The following CTNND2 variants were observed in gnomAD, a reference collection of about 807,000 sequenced individuals.
CTNND2 encodes catenin delta-2.
In CTNND2, 22 loss-of-function variants were observed where a neutral mutation model predicts 144.4. The observed-to-expected ratio is 0.15, with a 90% CI of 0.11 to 0.22. CTNND2 has a LOEUF of 0.22. CTNND2 is among the 10% of genes least tolerant of loss of function. The pLI, the probability that CTNND2 is intolerant of heterozygous loss-of-function variation, is 1.00. For synonymous variants in CTNND2, 751 were observed against 695.6 expected, an observed-to-expected ratio of 1.08 and a Z score of -1.25; for missense variants, 1,353 against 1,618.8, an observed-to-expected ratio of 0.84 and a Z score of 2.82.
intron 2 of CTNND2, among the ~76,000 whole-genome samples, chr5:11,707,493 A>G (rs1304759493): frequency 3.3e-5 from 5 of 152,228 alleles, no homozygotes; most frequent in African/African-American, 1.2e-4. Context: ...ACCCTAAATG[A>G]AAAGGAGTCT....
intron 9 of CTNND2, among the ~76,000 whole-genome samples, chr5:11,339,948 A>G (rs1007591893): frequency 6.6e-6 from 1 of 152,252 alleles, no homozygotes; most frequent in African/African-American, 2.4e-5. Flanking sequence ...GTTATAATTT[A>G]TAAGTTAAAC....
At chr5:11,442,848 T>G (rs1348510481) in intron 3 of CTNND2, among the ~76,000 whole-genome samples, 1 of 145,450 alleles carries the variant, frequency 6.9e-6, no homozygotes, top group Non-Finnish European at 1.5e-5. Context: ...TTTTATATAA[T>G]ATAATGATTA....
intron 2 of CTNND2, among the ~76,000 whole-genome samples, chr5:11,696,796 C>T (rs1785159793): frequency 6.6e-6 from 1 of 152,190 alleles, no homozygotes; most frequent in Non-Finnish European, 1.5e-5. Flanking sequence ...CAGTAATTAG[C>T]AACTGACATG....
chr5:11,042,679 G>A (rs980324667), intron 16 of CTNND2, among the ~76,000 whole-genome samples: 1 of 152,146 alleles, frequency 6.6e-6, no homozygotes, highest in African/African-American at 2.4e-5. Flanking sequence ...TTTGGATACC[G>A]GGAAGTCTTT....
At chr5:11,587,571 CACTT>C (rs1778956771) in intron 2 of CTNND2, among the ~76,000 whole-genome samples, 1 of 152,048 alleles carries the variant, frequency 6.6e-6, no homozygotes, top group Non-Finnish European at 1.5e-5. Flanking sequence ...TCATTCTTCA[CACTT>C]AGTTTATAAC....
chr5:11,221,552 G>A (rs17792388), intron 10 of CTNND2, among the ~76,000 whole-genome samples: 9,223 of 152,280 alleles, frequency 0.061, 395 homozygotes, highest in Admixed American at 0.11. Context: ...CAAAAACATA[G>A]GAAAGCTCAT....
At chr5:11,046,859 CA>C in intron 16 of CTNND2, among the ~76,000 whole-genome samples, 1 of 152,002 alleles carries the variant, frequency 6.6e-6, no homozygotes, top group Non-Finnish European at 1.5e-5. Context: ...CAAACAACAA[CA>C]AAAAAACAGG....
At chr5:11,507,213 A>T (rs1157830759) in intron 3 of CTNND2, among the ~76,000 whole-genome samples, 1 of 152,170 alleles carries the variant, frequency 6.6e-6, no homozygotes, top group Non-Finnish European at 1.5e-5. Context: ...TTCCTACATA[A>T]TAATGGCTTT....
chr5:11,323,257 C>T (rs1016626739), intron 9 of CTNND2, among the ~76,000 whole-genome samples: 3 of 151,238 alleles, frequency 2.0e-5, no homozygotes, highest in Non-Finnish European at 4.4e-5. Context: ...ACTATATTGC[C>T]CAGGCTGGTC....
chr5:11,291,367 T>C (rs778341880), intron 9 of CTNND2, among the ~76,000 whole-genome samples: 6 of 152,190 alleles, frequency 3.9e-5, no homozygotes, highest in Non-Finnish European at 8.8e-5. Context: ...TGCCATTGGA[T>C]TTTTCTCTGC....
intron 9 of CTNND2, among the ~76,000 whole-genome samples, chr5:11,277,778 C>T (rs947883532): frequency 5.3e-5 from 8 of 151,966 alleles, no homozygotes; most frequent in Non-Finnish European, 7.4e-5. Flanking sequence ...GTCATCTGCC[C>T]GCCTCGGCCT....
rs61750283 is a variant in CTNND2, at chr5:11,077,770, T to A, written c.2788+4926A>T. ...TAAGCCAGGAGAGGGATGATGAGAG[T>A]TTTGGACCAGAGAGAAAGCAATGAA... On this transcript the variant is annotated intron_variant, in intron 16 of 21. Transcript: ENST00000304623. Among the ~76,000 whole-genome samples the A allele has an allele frequency of 6.6e-3, 992 of 151,290 alleles. 2 individuals carry two copies. The highest frequency in any genetic ancestry group is 9.5e-3 in the Non-Finnish European group (641 of 67,790).
rs1233135263 is a variant in CTNND2, at chr5:11,159,693, A to G, written c.2042T>C (p.Val681Ala). The change falls in exon 12 of 22, where the codon GTA becomes GCA. Residue 681 changes from valine (V) to alanine (A), a missense_variant. By Grantham distance (64) the Val-to-Ala change is moderately conservative. Coordinates refer to ENST00000304623, the MANE Select transcript of CTNND2 (RefSeq NM_001332.4). ...KMPIIQDALA[V>A]LTNAVIIPHS... ...GGGGATAATCACCGCGTTGGTCAGT[A>G]CTGCTAGGGCATCCTGGATGATTGG... 6.2e-7 allele frequency: 1 copy of G among 1,612,704 alleles called. No homozygotes were observed.
chr5:11,241,510 T>C (rs747759530), intron 9 of CTNND2, among the ~76,000 whole-genome samples: 12 of 152,316 alleles, frequency 7.9e-5, no homozygotes, highest in Middle Eastern at 3.4e-3. Context: ...TTTATTCTAA[T>C]TGGCAGTCCC....
intron 3 of CTNND2, among the ~76,000 whole-genome samples, chr5:11,525,352 C>T (rs1363154406): frequency 6.6e-6 from 1 of 152,046 alleles, no homozygotes; most frequent in Non-Finnish European, 1.5e-5. Flanking sequence ...TTCCTGGCTG[C>T]ACAAACTGAT....
chr5:11,119,245 T>C (rs751226005), intron 12 of CTNND2, among the ~76,000 whole-genome samples: 1 of 152,220 alleles, frequency 6.6e-6, no homozygotes, highest in African/African-American at 2.4e-5. Context: ...AAAATGCTAC[T>C]GAACATGAAG....
chr5:11,865,079 G>C (rs1337533618), intron 1 of CTNND2, among the ~76,000 whole-genome samples: 2 of 151,880 alleles, frequency 1.3e-5, no homozygotes, highest in Non-Finnish European at 2.9e-5. Flanking sequence ...ATTTTTAGTA[G>C]AGACAAGGTG....
intron 9 of CTNND2, among the ~76,000 whole-genome samples, chr5:11,279,625 T>A (rs1443573768): frequency 3.9e-5 from 6 of 152,196 alleles, no homozygotes; most frequent in Non-Finnish European, 8.8e-5. Context: ...ATTAGACGAT[T>A]CATCCATTGC....
chr5:11,703,504 T>C (rs866872021), intron 2 of CTNND2, among the ~76,000 whole-genome samples: 5 of 152,204 alleles, frequency 3.3e-5, no homozygotes, highest in African/African-American at 9.6e-5. Flanking sequence ...AAATCTCCAT[T>C]GCTGCTGCAG....
Sources: allele counts gnomAD v4.1 joint callset (sites outside exome capture counted in the v4.1 genomes callset), GRCh38; gene constraint gnomAD v4.1.1; transcripts MANE v1.5; gene names NCBI Gene and HGNC (gene_info 2026-07-23, HGNC 2026-07-21).